RETREG1: variants seen among roughly 807,000 people sequenced by gnomAD.
RETREG1 encodes family with sequence similarity 134 member B.
In RETREG1, 44 loss-of-function variants were observed where a neutral mutation model predicts 54.8. The observed-to-expected ratio is 0.80, with a 90% CI of 0.63 to 1.03. The LOEUF (loss-of-function observed/expected upper bound fraction) is 1.03, where lower values mean the gene tolerates loss of function less well. Among genes scored for constraint, RETREG1 ranks in the 50% least tolerant of loss-of-function variants. RETREG1 has a pLI of 0.00. For missense variants in RETREG1, 554 were observed against 605.1 expected (o/e 0.92, Z 0.89); for synonymous variants, 217 against 238.5 (o/e 0.91, Z 0.83).
intron 3 of RETREG1, among the ~76,000 whole-genome samples, chr5:16,510,287 G>A (rs1319127937): frequency 1.3e-5 from 2 of 152,116 alleles, no homozygotes; most frequent in Non-Finnish European, 2.9e-5. Context: ...CAAAGTCTAA[G>A]ATGAACTGGG....
chr5:16,523,525 T>C (rs1449672640), intron 3 of RETREG1, among the ~76,000 whole-genome samples: 1 of 152,036 alleles, frequency 6.6e-6, no homozygotes, highest in Non-Finnish European at 1.5e-5. Flanking sequence ...ATTTCGGGGC[T>C]CACGATGTCC....
intron 3 of RETREG1, among the ~76,000 whole-genome samples, chr5:16,551,048 A>G (rs1051564120): frequency 1.3e-5 from 2 of 152,216 alleles, no homozygotes; most frequent in Non-Finnish European, 2.9e-5. Flanking sequence ...TTGTAAATGT[A>G]CAAAATGTCA....
chr5:16,562,835 T>G (rs775279479), intron 3 of RETREG1, among the ~76,000 whole-genome samples: 1 of 152,194 alleles, frequency 6.6e-6, no homozygotes, highest in Non-Finnish European at 1.5e-5. Context: ...AAATGCAATG[T>G]GGGATCCTAG....
chr5:16,514,789 T>C (rs1740292048), intron 3 of RETREG1, among the ~76,000 whole-genome samples: 1 of 151,796 alleles, frequency 6.6e-6, no homozygotes, highest in Non-Finnish European at 1.5e-5. Context: ...GATGTTTAGT[T>C]TTCCATTCCT....
chr5:16,612,041 G>GGA (rs368894313), intron 1 of RETREG1, among the ~76,000 whole-genome samples: 76 of 149,318 alleles, frequency 5.1e-4, no homozygotes, highest in African/African-American at 1.3e-3. Context: ...CTCCAGTCTG[G>GGA]GAGAGAGAGA....
intron 5 of RETREG1, among the ~76,000 whole-genome samples, chr5:16,479,894 GC>G (rs1464059642): frequency 2.0e-5 from 3 of 152,034 alleles, no homozygotes; most frequent in Admixed American, 6.6e-5. Flanking sequence ...GAGAGTGCCT[GC>G]CCCATCGAAA....
At chr5:16,518,568 A>G (rs909795987) in intron 3 of RETREG1, among the ~76,000 whole-genome samples, 35 of 152,268 alleles carry the variant, frequency 2.3e-4, no homozygotes, top group African/African-American at 8.2e-4. Context: ...TTTAAAATAT[A>G]AAAAGAAAAA....
chr5:16,573,180 CAAAAAAAA>C (rs11303408), intron 1 of RETREG1, among the ~76,000 whole-genome samples: 12 of 45,146 alleles, frequency 2.7e-4, no homozygotes, highest in Non-Finnish European at 4.0e-4. Context: ...GATTCTGTCT[CAAAAAAAA>C]AAAAAAAAAA....
At chr5:16,602,058 A>G (rs1453597065) in intron 1 of RETREG1, among the ~76,000 whole-genome samples, 1 of 152,216 alleles carries the variant, frequency 6.6e-6, no homozygotes, top group Non-Finnish European at 1.5e-5. Flanking sequence ...TTTTCCGCAT[A>G]CAAGTTCTCA....
chr5:16,561,882 C>A lies in RETREG1; in HGVS notation c.458+3881G>T, dbSNP rs1022212414. On this transcript the variant is annotated intron_variant, in intron 3 of 8. Coordinates refer to ENST00000306320, the MANE Select transcript of RETREG1 (RefSeq NM_001034850.3). The surrounding 1 kb of genome is among the most constrained non-coding windows in gnomAD (Gnocchi z 4.2). ...TGAGTCTCAGTAAATCTGAAAGAAC[C>A]CTGAGTCAAAGAGCATGGAGTGCTT... is the stretch of plus-strand genomic sequence containing the variant. Among the ~76,000 whole-genome samples, 14 of 152,112 alleles carry A rather than the reference C, an allele frequency of 9.2e-5. No homozygotes were observed. Among genetic ancestry groups the A allele is most frequent in the African/African-American group, 3.4e-4 (14 of 41,416 alleles).
intron 2 of RETREG1, among the ~76,000 whole-genome samples, chr5:16,567,200 G>T (rs1015415869): frequency 2.6e-5 from 4 of 152,200 alleles, no homozygotes; most frequent in African/African-American, 9.7e-5. Flanking sequence ...CAGTACAAGT[G>T]GCAAGAGACT....
chr5:16,593,036 T>C lies in RETREG1; in HGVS notation c.321-20934A>G, dbSNP rs1705746891. Among the ~76,000 whole-genome samples, 1 of 151,786 alleles carries C rather than the reference T, an allele frequency of 6.6e-6. No individual in the cohort carries two copies. Among genetic ancestry groups the C allele is most frequent in the South Asian group, 2.1e-4 (1 of 4,820 alleles). On this transcript the variant is annotated intron_variant, in intron 1 of 8. Coordinates refer to ENST00000306320, the MANE Select transcript of RETREG1 (RefSeq NM_001034850.3). This position sits in a 1 kb window ranked among gnomAD's most constrained non-coding sequence, Gnocchi z 4.9. ...TATATAACACACTTGAACTTAAAAG[T>C]TTTTCAAAAAAAAAGAAAAGGAAAA... is the stretch of plus-strand genomic sequence containing the variant.
At chr5:16,606,801 G>A (rs950015066) in intron 1 of RETREG1, among the ~76,000 whole-genome samples, 5 of 151,998 alleles carry the variant, frequency 3.3e-5, no homozygotes, top group South Asian at 4.1e-4. Flanking sequence ...CTGGTGCCTC[G>A]CCCCAGGCTC....
intron 3 of RETREG1, among the ~76,000 whole-genome samples, chr5:16,549,239 GT>G (rs1303510236): frequency 1.3e-5 from 2 of 152,120 alleles, no homozygotes; most frequent in Non-Finnish European, 2.9e-5. Context: ...TTCCTTCACT[GT>G]TGGAGGACTG....
At position 16,572,020 on chromosome 5, in the gene RETREG1, C is replaced by G; in HGVS notation, c.403G>C (p.Asp135His). Residue 135 changes from aspartate to histidine, a missense_variant, in exon 2 of 9, where the codon GAT becomes CAT. This residue lies in a region of RETREG1 where 347 missense variants were observed against 412.3 expected (regional missense o/e 0.84). Coordinates refer to ENST00000306320, the MANE Select transcript of RETREG1 (RefSeq NM_001034850.3). ...CCTCTTGTTCTAGACAAAACCATATCCTTTATTATTTGCATAATAACACGC... is the reference window on the plus strand; with the variant it reads ...CCTCTTGTTCTAGACAAAACCATATGCTTTATTATTTGCATAATAACACGC... ...LGRVIMQIIK[D>H]MVLSRTRGAQ... 1.2e-6 allele frequency: 2 copies of G among 1,612,888 alleles called. No homozygotes were observed. The highest frequency in any genetic ancestry group is 8.5e-7 in the Non-Finnish European group (1 of 1,178,926).
intron 3 of RETREG1, among the ~76,000 whole-genome samples, chr5:16,537,671 C>G (rs923108484): frequency 1.3e-5 from 2 of 152,144 alleles, no homozygotes; most frequent in African/African-American, 4.8e-5. Flanking sequence ...GCACTCCAGC[C>G]TGGGGACAGA....
chr5:16,547,016 TCC>T (rs2126612047), intron 3 of RETREG1, among the ~76,000 whole-genome samples: 1 of 152,298 alleles, frequency 6.6e-6, no homozygotes, highest in Admixed American at 6.5e-5. Context: ...AGAGACCTTT[TCC>T]CCATGTTCTG....
intron 1 of RETREG1, 176 bp downstream of exon 1, chr5:16,616,475 AG>A (rs1041559567): frequency 8.9e-7 from 1 of 1,127,530 alleles, no homozygotes; most frequent in Non-Finnish European, 1.2e-6. Context: ...GTGCGTCCGG[AG>A]GAAAGTTGCG....
At chr5:16,533,449 T>C (rs1333382861) in intron 3 of RETREG1, among the ~76,000 whole-genome samples, 1 of 152,194 alleles carries the variant, frequency 6.6e-6, no homozygotes, top group Non-Finnish European at 1.5e-5. Context: ...AGAAATGCCA[T>C]ATTTTAAGTA....
Sources: gnomAD v4.1 joint callset for allele counts (sites outside exome capture counted in the v4.1 genomes callset) on GRCh38, gnomAD v4.1.1 for gene constraint, gnomAD v4.1.1 regional missense constraint, Gnocchi (gnomAD v3.1) non-coding constraint, MANE v1.5 for transcripts, NCBI Gene and HGNC (gene_info 2026-07-23, HGNC 2026-07-21) for gene names.